The following GNAT3 variants were observed in gnomAD, a reference collection of about 807,000 sequenced individuals.
The protein encoded by GNAT3 is guanine nucleotide-binding protein G(t) subunit alpha-3.
In GNAT3, 31 loss-of-function variants were observed where a neutral mutation model predicts 37.7. That is an observed-to-expected ratio of 0.82 (90% CI 0.62 to 1.11). GNAT3 has a LOEUF of 1.11. Among genes scored for constraint, GNAT3 ranks in the 50% most tolerant of loss-of-function variants. The probability of loss-of-function intolerance (pLI) is 0.00; values close to 1 mark genes in which losing one functional copy is unlikely to be tolerated. For synonymous variants in GNAT3, 138 were observed against 139.8 expected (o/e 0.99, Z 0.09); for missense variants, 437 against 412.5 (o/e 1.06, Z -0.51).
At chr7:80,505,570 G>A (rs1411553759) in intron 1 of GNAT3, among the ~76,000 whole-genome samples, 3 of 152,114 alleles carry the variant, frequency 2.0e-5, no homozygotes, top group Non-Finnish European at 4.4e-5. Flanking sequence ...GTTTCACCGT[G>A]TTAGCCAGGA....
chr7:80,483,902 T>C (rs1300912067), intron 3 of GNAT3, among the ~76,000 whole-genome samples: 1 of 152,156 alleles, frequency 6.6e-6, no homozygotes, highest in Non-Finnish European at 1.5e-5. Context: ...TTGGAAAAGC[T>C]TGGGAATTAC....
chr7:80,488,144 AT>A (rs1790523514), intron 3 of GNAT3, among the ~76,000 whole-genome samples: 1 of 152,124 alleles, frequency 6.6e-6, no homozygotes. Flanking sequence ...ATTAATTATA[AT>A]TGTTATGTTA....
intron 1 of GNAT3, among the ~76,000 whole-genome samples, chr7:80,498,696 G>C (rs887750455): frequency 6.6e-6 from 1 of 152,116 alleles, no homozygotes; most frequent in Admixed American, 6.5e-5. Flanking sequence ...TCCGCTGATG[G>C]TGTCCTGAAA....
intron 5 of GNAT3, among the ~76,000 whole-genome samples, chr7:80,469,097 T>G (rs1037090153): frequency 2.0e-5 from 3 of 152,206 alleles, no homozygotes; most frequent in Admixed American, 6.5e-5. Context: ...CCAGATTCAC[T>G]CCTATCTGAG....
intron 4 of GNAT3, among the ~76,000 whole-genome samples, chr7:80,477,873 T>C (rs924620155): frequency 2.6e-5 from 4 of 152,202 alleles, no homozygotes; most frequent in African/African-American, 4.8e-5. Context: ...AGGCATATAG[T>C]AAGGGGCTAT....
At chr7:80,500,324 G>A (rs1209505829) in intron 1 of GNAT3, among the ~76,000 whole-genome samples, 2 of 151,196 alleles carry the variant, frequency 1.3e-5, no homozygotes, top group Admixed American at 6.6e-5. Context: ...CACAAACCAC[G>A]TGTATCTAAT....
At chr7:80,465,141 A>G (rs1562719656) in intron 5 of GNAT3, among the ~76,000 whole-genome samples, 1 of 152,172 alleles carries the variant, frequency 6.6e-6, no homozygotes, top group East Asian at 1.9e-4. Context: ...TAAATTGTTC[A>G]TGAACTGTTT....
At chr7:80,501,595 T>G (rs1790835047) in intron 1 of GNAT3, among the ~76,000 whole-genome samples, 1 of 152,020 alleles carries the variant, frequency 6.6e-6, no homozygotes, top group South Asian at 2.1e-4. Context: ...TCCAATCAAG[T>G]TTCACACTTT....
chr7:80,458,756 G>A lies in GNAT3; in HGVS notation c.980C>T (p.Thr327Ile). 6.3e-7 allele frequency: 1 copy of A among 1,599,142 alleles called. No individual in the cohort carries two copies. Among genetic ancestry groups the A allele is most frequent in the Non-Finnish European group, 8.5e-7 (1 of 1,170,866 alleles). The stretch of plus-strand genomic sequence containing the variant: ...CACAAACTTGACATTTTGGGTGTCA[G>A]TAGCACAGGTCATGTGGGAATAAAT... The part of the protein sequence containing the change: ...KEIYSHMTCA[T>I]DTQNVKFVFD... Residue 327 changes from threonine (T) to isoleucine (I), a missense_variant, in exon 8 of 8, where the codon ACT (threonine) becomes ATT (isoleucine). By Grantham distance (89) the Thr-to-Ile change is moderately conservative. Coordinates refer to ENST00000398291, the MANE Select transcript of GNAT3 (RefSeq NM_001102386.3).
rs549994585 is a variant in GNAT3 at position 80,493,297 on chromosome 7, A to G, written c.161+1308T>C. On this transcript the variant is annotated intron_variant, in intron 2 of 7. Coordinates refer to ENST00000398291, the MANE Select transcript of GNAT3 (RefSeq NM_001102386.3). ...ATGAATGCCAGATGACTTAGTTGCA[A>G]GGATGGTCCTAAAAACTCAAAAATG... Among the ~76,000 whole-genome samples the G allele has an allele frequency of 1.1e-4, 17 of 152,276 alleles. 1 individual carries two copies. In the East Asian group the frequency reaches 3.1e-3, roughly 28 times the overall value.
In GNAT3 at chr7:80,497,585, TAC is replaced by T; in HGVS notation, c.119-2940_119-2939del. ...ATATACGTATATACATATACGTATA[TAC>T]ATATACGTATATACATATACGTATA... On this transcript the variant is annotated intron_variant, in intron 1 of 7. Transcript: ENST00000398291. 2.3e-5 allele frequency among the ~76,000 whole-genome samples: 3 copies of T among 128,878 alleles called. 1 individual carries two copies. The South Asian group carries it at 6.9e-4, about 29-fold the overall frequency. The allele number at this position is 128,878 out of a possible 152,430, so 84.5% of individuals were successfully genotyped here.
At chr7:80,475,178 A>G (rs1297591087) in intron 4 of GNAT3, among the ~76,000 whole-genome samples, 3 of 151,956 alleles carry the variant, frequency 2.0e-5, no homozygotes, top group African/African-American at 4.8e-5. Flanking sequence ...AGGAAGCTAT[A>G]TTAAAAATTG....
At chr7:80,468,781 C>A (rs1362540667) in intron 5 of GNAT3, among the ~76,000 whole-genome samples, 2 of 151,980 alleles carry the variant, frequency 1.3e-5, no homozygotes, top group African/African-American at 4.8e-5. Context: ...TGTAAGGGAG[C>A]CAAGCTCTCC....
chr7:80,468,358 A>C, intron 5 of GNAT3, among the ~76,000 whole-genome samples: 1 of 152,138 alleles, frequency 6.6e-6, no homozygotes, highest in East Asian at 1.9e-4. Flanking sequence ...GCTAAAAATC[A>C]ACAATGCTAC....
chr7:80,476,018 T>G (rs894034946), intron 4 of GNAT3, among the ~76,000 whole-genome samples: 2 of 152,122 alleles, frequency 1.3e-5, no homozygotes, highest in African/African-American at 4.8e-5. Flanking sequence ...GTGAATTTTC[T>G]ATTAATTAAG....
chr7:80,488,807 G>T, intron 2 of GNAT3, 131 bp from the exon 3 acceptor site: 1 of 565,718 alleles, frequency 1.8e-6, no homozygotes, highest in Non-Finnish European at 3.0e-6. Context: ...ATACATATAT[G>T]CTAACTCTAA....
intron 7 of GNAT3, among the ~76,000 whole-genome samples, chr7:80,460,608 C>T (rs1176814870): frequency 2.6e-5 from 4 of 151,952 alleles, no homozygotes; most frequent in African/African-American, 4.8e-5. Flanking sequence ...ATTAGCCGGG[C>T]GTGGTGGCGT....
At chr7:80,494,088 A>G (rs547854503) in intron 2 of GNAT3, among the ~76,000 whole-genome samples, 1 of 152,320 alleles carries the variant, frequency 6.6e-6, no homozygotes, top group South Asian at 2.1e-4. Context: ...TCAGGTAGAC[A>G]CTGCATTCTT....
intron 5 of GNAT3, among the ~76,000 whole-genome samples, chr7:80,464,727 C>A (rs1008913018): frequency 1.1e-4 from 16 of 151,876 alleles, no homozygotes; most frequent in African/African-American, 3.9e-4. Flanking sequence ...AAATGTCTAC[C>A]GATCTGATTA....
Sources: gnomAD v4.1 joint callset for allele counts (sites outside exome capture counted in the v4.1 genomes callset) on GRCh38, gnomAD v4.1.1 for gene constraint, MANE v1.5 for transcripts, NCBI Gene and HGNC (gene_info 2026-07-23, HGNC 2026-07-21) for gene names.